The following MRPL20 variants were observed in gnomAD, a reference collection of about 807,000 sequenced individuals.
MRPL20 encodes large ribosomal subunit protein bL20m.
In MRPL20, 21 loss-of-function variants were observed where a neutral mutation model predicts 20.0. The ratio of observed to expected loss-of-function variants is 1.05; its 90% confidence interval spans 0.74 to 1.51. MRPL20 has a LOEUF of 1.51. MRPL20 is among the 40% of genes most tolerant of loss of function. The pLI is 0.00. For synonymous variants in MRPL20, 104 were observed against 73.0 expected (o/e 1.43, Z -2.17); for missense variants, 252 against 185.6 (o/e 1.36, Z -2.08).
At position 1,402,185 on chromosome 1, in the gene MRPL20, CAAAGATTTG is replaced by C; in HGVS notation, c.339_347del (p.Phe113_Ser115del). 6.2e-7 allele frequency: 1 copy of C among 1,614,090 alleles called. No individual in the cohort carries two copies. Among genetic ancestry groups the C allele is most frequent in the Non-Finnish European group, 8.5e-7 (1 of 1,180,016 alleles). The stretch of plus-strand genomic sequence containing the variant: ...GTCGCCTCCTACTGGCCAAGGCAGC[CAAAGATTTG>C]AAAGTCTTTGGCTCGTAGATGGCCA... On this transcript the variant is annotated inframe_deletion, in exon 4 of 4. Coordinates refer to ENST00000344843, the MANE Select transcript of MRPL20 (RefSeq NM_017971.4).
Position 1,402,073 on chromosome 1 carries a change from G to GC in MRPL20, c.*9dup, listed in dbSNP as rs1224126735. On this transcript the variant is annotated 3_prime_UTR_variant, in exon 4 of 4. Transcript: ENST00000344843. ...TCTGTCTCTTTTCCTAATCAATACA[G>GC]CAACAGTCCTCAGTGGTACTGCACC... 6.2e-7 allele frequency: 1 copy of GC among 1,604,668 alleles called. No homozygotes were observed. Among genetic ancestry groups the GC allele is most frequent in the Non-Finnish European group, 8.5e-7 (1 of 1,176,714 alleles).
Position 1,401,914 on chromosome 1 carries a change from A to T in MRPL20, c.*169T>A. The stretch of plus-strand genomic sequence containing the variant: ...CAGAAAATGACTCTAAAAACTGAAG[A>T]GTGTTTGAGTTTCATTCACACAAAA... On this transcript the variant is annotated 3_prime_UTR_variant, in exon 4 of 4. Transcript: ENST00000344843. 1.3e-6 allele frequency: 1 copy of T among 769,408 alleles called. No homozygotes were observed. The highest frequency in any genetic ancestry group is 1.9e-5 in the South Asian group (1 of 53,246). 47.7% of individuals were successfully genotyped at this position (769,408 alleles called of 1,614,324 possible).
At chr1:1,402,711 A>C (rs1244079916) in intron 3 of MRPL20, 1 of 840,058 alleles carries the variant, frequency 1.2e-6, no homozygotes, top group Non-Finnish European at 1.4e-6. Context: ...AAGGCAGGGC[A>C]CGGTGTCTCG....
At chr1:1,402,389 A>C in intron 3 of MRPL20, 133 bp from the exon 4 acceptor site, 2 of 1,413,470 alleles carry the variant, frequency 1.4e-6, no homozygotes, top group Non-Finnish European at 1.8e-6. Flanking sequence ...GGAGAATCCT[A>C]TCTGGGTGGC....
At chr1:1,406,510 G>C (rs1238279896) in intron 2 of MRPL20, 1 of 240,490 alleles carries the variant, frequency 4.2e-6, no homozygotes, top group Admixed American at 5.1e-5. Context: ...CAGCAGGCGT[G>C]GTCTCTTCGA....
intron 2 of MRPL20, 171 bp downstream of exon 2, chr1:1,406,737 CG>C: frequency 1.6e-6 from 1 of 642,158 alleles, no homozygotes. Context: ...GGCGGGAGAA[CG>C]GATGTCCCAC....
intron 2 of MRPL20, 61 bp downstream of exon 2, chr1:1,406,848 G>A: frequency 6.9e-7 from 1 of 1,449,204 alleles, no homozygotes; most frequent in Admixed American, 1.7e-5. Flanking sequence ...GCTGGGTCGC[G>A]GCGCAGAAAC....
At chr1:1,404,509 T>C (rs1194614170) in intron 3 of MRPL20, among the ~76,000 whole-genome samples, 1 of 151,720 alleles carries the variant, frequency 6.6e-6, no homozygotes, top group African/African-American at 2.4e-5. Flanking sequence ...CTACACTTTT[T>C]TTTTTTTTTG....
chr1:1,402,507 C>T (rs372312105), intron 3 of MRPL20: 12 of 1,238,596 alleles, frequency 9.7e-6, no homozygotes, highest in African/African-American at 6.2e-5. Context: ...GATGTCGGCC[C>T]GGGGAACCAA....
chr1:1,402,023 A>G lies in MRPL20; in HGVS notation c.*60T>C, dbSNP rs1184871194. On this transcript the variant is annotated 3_prime_UTR_variant, in exon 4 of 4. Transcript: ENST00000344843. ...TATTGGGTTGTAGATAAACAAAAGT[A>G]TAAATCAAACAAACTGCAAATTACT... is the stretch of plus-strand genomic sequence containing the variant. 3 of 1,551,326 alleles carry G rather than the reference A, an allele frequency of 1.9e-6. No homozygotes were observed. Among genetic ancestry groups the G allele is most frequent in the South Asian group, 1.2e-5 (1 of 82,188 alleles).
rs1201001100 is a variant in MRPL20 at position 1,406,803 on chromosome 1, G to T, written c.198+106C>A. The T allele has an allele frequency of 6.3e-6, 6 of 948,938 alleles. No individual in the cohort carries two copies. The Admixed American group carries it at 8.9e-5, about 14-fold the overall frequency. 58.8% of individuals were successfully genotyped at this position (948,938 alleles called of 1,614,324 possible). Reference sequence around the variant, plus strand: ...GGAGTTTCGAAGCAAGGTATGAAAGGAAGGGGCTGAGGGTGGCCGGGCGGC... The same window carrying T: ...GGAGTTTCGAAGCAAGGTATGAAAGTAAGGGGCTGAGGGTGGCCGGGCGGC... On this transcript the variant is annotated intron_variant, in intron 2 of 3. Transcript: ENST00000344843.
intron 3 of MRPL20, among the ~76,000 whole-genome samples, chr1:1,404,938 C>T (rs901856339): frequency 2.6e-5 from 4 of 152,136 alleles, no homozygotes; most frequent in Non-Finnish European, 4.4e-5. Context: ...TGGCACTCCT[C>T]GCCTCTGCCA....
intron 2 of MRPL20, 156 bp from the exon 3 acceptor site, chr1:1,406,042 C>A: frequency 8.8e-7 from 1 of 1,135,404 alleles, no homozygotes. Flanking sequence ...GAAATCAAGA[C>A]CCTGTTTCAA....
chr1:1,403,914 C>T (rs1429632907), intron 3 of MRPL20, among the ~76,000 whole-genome samples: 1 of 152,120 alleles, frequency 6.6e-6, no homozygotes, highest in Non-Finnish European at 1.5e-5. Flanking sequence ...TGATCTCAGC[C>T]CACTGCAACT....
rs1229969433 is a variant in MRPL20, at chr1:1,402,240, T to C, written c.293A>G (p.Asn98Ser). The C allele has an allele frequency of 3.7e-6, 6 of 1,612,348 alleles. No homozygotes were observed. The highest frequency in any genetic ancestry group is 5.1e-6 in the Non-Finnish European group (6 of 1,179,256). Reference sequence around the variant, plus strand: ...GGCCAGATCCGCTAGGACTTTCCTGTTGAGCTCCACCTGGCACTGAAAAAA... The same window carrying C: ...GGCCAGATCCGCTAGGACTTTCCTGCTGAGCTCCACCTGGCACTGAAAAAA... ...GNLVKCQVEL[N>S]RKVLADLAIY... Residue 98 changes from asparagine to serine, a missense_variant, in exon 4 of 4, where the codon AAC becomes AGC. By Grantham distance (46) the Asn-to-Ser change is conservative (BLOSUM62 1). Coordinates refer to ENST00000344843, the MANE Select transcript of MRPL20 (RefSeq NM_017971.4).
intron 3 of MRPL20, chr1:1,405,255 C>A (rs898931731): frequency 4.3e-5 from 8 of 186,620 alleles, no homozygotes; most frequent in East Asian, 3.0e-4. Flanking sequence ...GATCACAGGC[C>A]TGAGCCACCC....
At chr1:1,404,743 T>G (rs1175304050) in intron 3 of MRPL20, among the ~76,000 whole-genome samples, 2 of 152,096 alleles carry the variant, frequency 1.3e-5, no homozygotes, top group Non-Finnish European at 2.9e-5. Flanking sequence ...TCATGATCTG[T>G]CCGCCTCAGC....
At chr1:1,403,569 TC>T (rs1329336215) in intron 3 of MRPL20, among the ~76,000 whole-genome samples, 2 of 152,006 alleles carry the variant, frequency 1.3e-5, no homozygotes, top group Non-Finnish European at 2.9e-5. Context: ...TAACTACAGT[TC>T]CCTGAGTAAA....
intron 3 of MRPL20, 152 bp downstream of exon 3, chr1:1,405,657 G>T: frequency 7.4e-7 from 1 of 1,352,556 alleles, no homozygotes; most frequent in Non-Finnish European, 1.1e-6. Context: ...CACCCCATCA[G>T]CATAGCAAAC....
Sources: gnomAD v4.1 joint callset for allele counts (sites outside exome capture counted in the v4.1 genomes callset) on GRCh38, gnomAD v4.1.1 for gene constraint, MANE v1.5 for transcripts, NCBI Gene and HGNC (gene_info 2026-07-23, HGNC 2026-07-21) for gene names.